CNTN4: variants seen among roughly 807,000 people sequenced by gnomAD.
The protein encoded by CNTN4 is contactin-4.
A neutral mutation model predicts 122.5 loss-of-function variants in CNTN4; 77 were observed. The observed-to-expected ratio is 0.63, with a 90% CI of 0.52 to 0.76. CNTN4 has a LOEUF of 0.76. Among genes scored for constraint, CNTN4 ranks in the 30% least tolerant of loss-of-function variants. The probability of loss-of-function intolerance (pLI) is 0.00; values close to 1 mark genes in which losing one functional copy is unlikely to be tolerated. For missense variants in CNTN4, 1,256 were observed against 1,259.1 expected, an observed-to-expected ratio of 1.00 and a Z score of 0.04; for synonymous variants, 512 against 447.0, an observed-to-expected ratio of 1.15 and a Z score of -1.83.
At chr3:2,768,106 A>G (rs994068723) in intron 6 of CNTN4, among the ~76,000 whole-genome samples, 17 of 152,270 alleles carry the variant, frequency 1.1e-4, no homozygotes, top group African/African-American at 3.9e-4. Context: ...GAGCCTTCAT[A>G]TTTATTGCTT....
intron 12 of CNTN4, among the ~76,000 whole-genome samples, chr3:2,924,098 C>G (rs2094451947): frequency 6.6e-6 from 1 of 151,766 alleles, no homozygotes; most frequent in Admixed American, 6.6e-5. Flanking sequence ...AAAATTTTAC[C>G]TTCGCATGAG....
At chr3:3,010,646 T>TC (rs1234545824) in intron 14 of CNTN4, among the ~76,000 whole-genome samples, 11 of 152,104 alleles carry the variant, frequency 7.2e-5, no homozygotes, top group African/African-American at 2.7e-4. Flanking sequence ...TGTAAAATCA[T>TC]CCAAGTTTAT....
At chr3:2,840,449 C>T (rs1436881233) in intron 7 of CNTN4, among the ~76,000 whole-genome samples, 2 of 150,780 alleles carry the variant, frequency 1.3e-5, no homozygotes, top group African/African-American at 2.4e-5. Flanking sequence ...GCCTGTCATC[C>T]CAGCACTTTG....
chr3:2,868,434 C>A (rs1010255073), intron 8 of CNTN4, among the ~76,000 whole-genome samples: 3 of 152,110 alleles, frequency 2.0e-5, no homozygotes, highest in Non-Finnish European at 2.9e-5. Flanking sequence ...TTGACAAATG[C>A]AAGACGGGAA....
At chr3:2,627,754 A>G (rs907552632) in intron 4 of CNTN4, among the ~76,000 whole-genome samples, 11 of 152,096 alleles carry the variant, frequency 7.2e-5, no homozygotes, top group Admixed American at 1.3e-4. Flanking sequence ...CGGCCTCCCA[A>G]AGTGCTGGGA....
chr3:2,576,057 G>A (rs553749810), intron 4 of CNTN4, among the ~76,000 whole-genome samples: 13 of 151,870 alleles, frequency 8.6e-5, no homozygotes, highest in African/African-American at 1.7e-4. Context: ...GGATGGTCTC[G>A]ATCTCCTGAC....
chr3:3,043,842 A>G (rs1268674750), intron 23 of CNTN4, 138 bp downstream of exon 23: 1 of 705,578 alleles, frequency 1.4e-6, no homozygotes, highest in Non-Finnish European at 2.6e-6. Flanking sequence ...TGCCTCCAAC[A>G]CGGTTTGATC....
chr3:2,868,904 A>T (rs2093753966), intron 8 of CNTN4, among the ~76,000 whole-genome samples: 1 of 152,046 alleles, frequency 6.6e-6, no homozygotes, highest in Admixed American at 6.6e-5. Context: ...TAAGGAGGGG[A>T]CATTTGAGCT....
chr3:2,943,780 C>T lies in CNTN4; in HGVS notation c.1358+18001C>T, dbSNP rs931417067. On this transcript the variant is annotated intron_variant, in intron 13 of 24. Transcript: ENST00000418658. ...CTGGGATTACAGGCATGCACCACCA[C>T]ACCCAGCTAATTTTTGTATTTATAG... is the stretch of plus-strand genomic sequence containing the variant. 5.9e-5 allele frequency among the ~76,000 whole-genome samples: 9 copies of T among 151,644 alleles called. No individual in the cohort carries two copies. The South Asian group carries it at 1.9e-3, about 32-fold the overall frequency.
At position 2,223,088 on chromosome 3, in the gene CNTN4, T is replaced by G. The variant is rs117251949; in HGVS notation, c.-144-116090T>G. Among the ~76,000 whole-genome samples, 81 of 152,310 alleles carry G rather than the reference T, an allele frequency of 5.3e-4. 2 individuals are homozygous for G. The East Asian group carries it at 0.015, about 29-fold the overall frequency. ...ACCTTAGCTGCAAAATCAGGTTGCA[T>G]TCTGCTTAGGGCTTGTTTTCTGTGT... On this transcript the variant is annotated intron_variant, in intron 2 of 24. Transcript: ENST00000418658.
rs2044085126 is a variant in CNTN4 at position 2,339,222 on chromosome 3, C to T, written c.-100C>T. ...ACTCCACAGCATGTGTCTTCAAGAG[C>T]TTCCCTAAAAGGTAAGCTTCCCACA... On this transcript the variant is annotated 5_prime_UTR_variant, in exon 3 of 25. Transcript: ENST00000418658. 1 of 152,092 alleles carries T rather than the reference C, an allele frequency of 6.6e-6. No homozygotes were observed. The highest frequency in any genetic ancestry group is 2.4e-5 in the African/African-American group (1 of 41,432). 9.4% of individuals were successfully genotyped at this position (152,092 alleles called of 1,614,324 possible).
At chr3:2,450,520 T>C (rs2048791350) in intron 3 of CNTN4, among the ~76,000 whole-genome samples, 1 of 152,188 alleles carries the variant, frequency 6.6e-6, no homozygotes, top group Non-Finnish European at 1.5e-5. Context: ...CACTTTGCAA[T>C]GGTAGTTTGG....
At chr3:3,019,787 TATATATATATAC>T (rs1559796132) in intron 14 of CNTN4, among the ~76,000 whole-genome samples, 1 of 105,434 alleles carries the variant, frequency 9.5e-6, no homozygotes, top group Non-Finnish European at 2.0e-5. Context: ...TATATATATA[TATATATATATAC>T]ACATGCATAT....
chr3:2,544,998 G>T (rs972712627), intron 3 of CNTN4, among the ~76,000 whole-genome samples: 5 of 152,040 alleles, frequency 3.3e-5, no homozygotes, highest in African/African-American at 1.2e-4. Context: ...AATTTTTGAT[G>T]TGGGTGTTTA....
chr3:2,464,246 G>A (rs1465851336), intron 3 of CNTN4, among the ~76,000 whole-genome samples: 1 of 152,140 alleles, frequency 6.6e-6, no homozygotes, highest in African/African-American at 2.4e-5. Context: ...TGTATTTGAT[G>A]AACATTCCGT....
chr3:2,411,693 TA>T lies in CNTN4; in HGVS notation c.-89+72466del, dbSNP rs370824153. Reference sequence around the variant, plus strand: ...CTTTCTTTCTTCCTTTCCTTTATAATAAAAAATCAAGTTATTGGAAAAAGTA... The same window carrying T: ...CTTTCTTTCTTCCTTTCCTTTATAATAAAAATCAAGTTATTGGAAAAAGTA... On this transcript the variant is annotated intron_variant, in intron 3 of 24. Transcript: ENST00000418658. 5.9e-5 allele frequency among the ~76,000 whole-genome samples: 9 copies of T among 152,272 alleles called. No homozygotes were observed. In the East Asian group the frequency reaches 1.3e-3, roughly 23 times the overall value.
At chr3:2,190,311 G>GTA (rs2037468573) in intron 2 of CNTN4, among the ~76,000 whole-genome samples, 1 of 150,992 alleles carries the variant, frequency 6.6e-6, no homozygotes, top group South Asian at 2.1e-4. Flanking sequence ...ACTTGTGTGT[G>GTA]TGTGTGTGTG....
At chr3:2,481,277 A>G (rs964650544) in intron 3 of CNTN4, among the ~76,000 whole-genome samples, 46 of 151,868 alleles carry the variant, frequency 3.0e-4, no homozygotes, top group Non-Finnish European at 7.4e-5. Flanking sequence ...AGCAGCTAGG[A>G]TTACAGGTGC....
intron 4 of CNTN4, among the ~76,000 whole-genome samples, chr3:2,642,575 TAC>T (rs2082942737): frequency 6.6e-6 from 1 of 152,188 alleles, no homozygotes; most frequent in South Asian, 2.1e-4. Context: ...TATATGTGTG[TAC>T]ACATATACAG....
Sources: gnomAD v4.1 joint callset for allele counts (sites outside exome capture counted in the v4.1 genomes callset) on GRCh38, gnomAD v4.1.1 for gene constraint, MANE v1.5 for transcripts, NCBI Gene and HGNC (gene_info 2026-07-23, HGNC 2026-07-21) for gene names.